TUSC3: variants seen among roughly 807,000 people sequenced by gnomAD.
The protein encoded by TUSC3 is tumor suppressor candidate 3.
Under a neutral mutation model 44.8 loss-of-function variants are expected in TUSC3, and 45 were observed. The ratio of observed to expected loss-of-function variants is 1.00; its 90% confidence interval spans 0.79 to 1.29. The LOEUF (loss-of-function observed/expected upper bound fraction) is 1.29, where lower values mean the gene tolerates loss of function less well. TUSC3 is among the 50% of genes most tolerant of loss of function. The pLI, the probability that TUSC3 is intolerant of heterozygous loss-of-function variation, is 0.00. For missense variants in TUSC3, 519 were observed against 437.9 expected, an observed-to-expected ratio of 1.19 and a Z score of -1.65; for synonymous variants, 212 against 152.9, an observed-to-expected ratio of 1.39 and a Z score of -2.85.
At chr8:15,510,262 A>G (rs149682713) in intron 2 of TUSC3, among the ~76,000 whole-genome samples, 2 of 152,222 alleles carry the variant, frequency 1.3e-5, no homozygotes, top group African/African-American at 4.8e-5. Context: ...GCAATAGAAA[A>G]CCTAAAAGAA....
chr8:15,473,513 C>G (rs1399919220), intron 1 of TUSC3, among the ~76,000 whole-genome samples: 1 of 152,116 alleles, frequency 6.6e-6, no homozygotes, highest in African/African-American at 2.4e-5. Flanking sequence ...TTGGGGGAAC[C>G]CACCCCCACT....
At chr8:15,685,270 C>CT (rs1808583009) in intron 6 of TUSC3, among the ~76,000 whole-genome samples, 1 of 152,016 alleles carries the variant, frequency 6.6e-6, no homozygotes, top group African/African-American at 2.4e-5. Flanking sequence ...CTTCACTCAC[C>CT]GCTTCCTCAG....
At chr8:15,442,304 C>G (rs910359212) in intron 1 of TUSC3, among the ~76,000 whole-genome samples, 1 of 151,488 alleles carries the variant, frequency 6.6e-6, no homozygotes, top group Non-Finnish European at 1.5e-5. Context: ...TCTGAAAAAT[C>G]TCTAAAAGTG....
At chr8:15,740,387 A>T (rs1190658558) in intron 7 of TUSC3, among the ~76,000 whole-genome samples, 1 of 152,172 alleles carries the variant, frequency 6.6e-6, no homozygotes, top group Non-Finnish European at 1.5e-5. Context: ...AGTTTTCTAC[A>T]TGACAGAATA....
chr8:15,791,849 A>G, the TUSC3 span, among the ~76,000 whole-genome samples: 2 of 152,166 alleles, frequency 1.3e-5, no homozygotes. Context: ...CAGCTCATCA[A>G]CTGGGCTTCA....
chr8:15,627,907 T>C (rs1433735531), intron 2 of TUSC3, among the ~76,000 whole-genome samples: 1 of 152,170 alleles, frequency 6.6e-6, no homozygotes, highest in Non-Finnish European at 1.5e-5. Context: ...CCAGTCTGAG[T>C]GGACAAAACG....
intron 2 of TUSC3, among the ~76,000 whole-genome samples, chr8:15,647,861 A>T (rs1002980248): frequency 2.6e-4 from 40 of 152,316 alleles, no homozygotes; most frequent in Non-Finnish European, 4.6e-4. Context: ...GTTGCTAATG[A>T]TCAGTCCATT....
At chr8:15,761,466 T>C (rs986979616) in intron 10 of TUSC3, among the ~76,000 whole-genome samples, 1 of 152,218 alleles carries the variant, frequency 6.6e-6, no homozygotes, top group Non-Finnish European at 1.5e-5. Context: ...GCCTTCTATC[T>C]ATCTTATCCC....
At chr8:15,656,784 A>C (rs187323254) in intron 3 of TUSC3, among the ~76,000 whole-genome samples, 1 of 152,204 alleles carries the variant, frequency 6.6e-6, no homozygotes, top group African/African-American at 2.4e-5. Context: ...ACAAGTCTTT[A>C]TCAGGACTCT....
At chr8:15,569,598 GAAAT>G (rs1191099050) in intron 1 of TUSC3, among the ~76,000 whole-genome samples, 4 of 152,128 alleles carry the variant, frequency 2.6e-5, no homozygotes, top group African/African-American at 4.8e-5. Flanking sequence ...ATGTGGGAGA[GAAAT>G]AAAGTGCAAT....
intron 1 of TUSC3, among the ~76,000 whole-genome samples, chr8:15,447,753 C>G (rs1800125712): frequency 6.7e-6 from 1 of 150,284 alleles, no homozygotes; most frequent in Non-Finnish European, 1.5e-5. Context: ...CGCCACCTCT[C>G]TGTAGGAAAT....
At chr8:15,496,397 G>A (rs1800880714) in intron 2 of TUSC3, among the ~76,000 whole-genome samples, 1 of 152,178 alleles carries the variant, frequency 6.6e-6, no homozygotes, top group Non-Finnish European at 1.5e-5. Context: ...GTCCTTGTCA[G>A]AGTGTTCAAT....
intron 1 of TUSC3, among the ~76,000 whole-genome samples, chr8:15,440,021 G>A (rs1278824802): frequency 6.6e-6 from 1 of 152,182 alleles, no homozygotes; most frequent in East Asian, 1.9e-4. Flanking sequence ...AGGCAAACCT[G>A]GCCCCTACTC....
intron 2 of TUSC3, among the ~76,000 whole-genome samples, chr8:15,625,560 C>T (rs778960042): frequency 6.6e-6 from 1 of 152,196 alleles, no homozygotes; most frequent in Non-Finnish European, 1.5e-5. Context: ...TGGCTGAACA[C>T]ATGTTCAAGA....
chr8:15,740,849 T>A (rs1036643880), intron 7 of TUSC3, among the ~76,000 whole-genome samples: 2 of 152,186 alleles, frequency 1.3e-5, no homozygotes, highest in Non-Finnish European at 2.9e-5. Context: ...TTTGCAGGAA[T>A]GTTTATAGTA....
intron 6 of TUSC3, among the ~76,000 whole-genome samples, chr8:15,720,244 T>A (rs1041753523): frequency 8.0e-6 from 1 of 124,734 alleles, no homozygotes; most frequent in Non-Finnish European, 1.8e-5. Flanking sequence ...AGAGAGAACA[T>A]TTCTCATATA....
intron 1 of TUSC3, among the ~76,000 whole-genome samples, chr8:15,419,737 A>G (rs1212261300): frequency 1.3e-5 from 2 of 152,250 alleles, no homozygotes; most frequent in Non-Finnish European, 2.9e-5. Flanking sequence ...TGTCTTTGGC[A>G]TAAACTAAGT....
intron 1 of TUSC3, among the ~76,000 whole-genome samples, chr8:15,608,248 C>G (rs1288456036): frequency 6.6e-6 from 1 of 151,900 alleles, no homozygotes; most frequent in Non-Finnish European, 1.5e-5. Flanking sequence ...ATTTTATCCT[C>G]AAGAGGTTCC....
intron 9 of TUSC3, 52 bp downstream of exon 9, chr8:15,748,517 A>T: frequency 7.2e-7 from 1 of 1,389,812 alleles, no homozygotes; most frequent in South Asian, 1.2e-5. Context: ...AATAGAACAG[A>T]GTTTCAGTGG....
Sources: gnomAD v4.1 joint callset for allele counts (sites outside exome capture counted in the v4.1 genomes callset) on GRCh38, gnomAD v4.1.1 for gene constraint, MANE v1.5 for transcripts, NCBI Gene and HGNC (gene_info 2026-07-23, HGNC 2026-07-21) for gene names.